HS3ST4: variants seen among roughly 807,000 people sequenced by gnomAD.
HS3ST4 encodes heparan sulfate-glucosamine 3-sulfotransferase 4.
In HS3ST4, 17 loss-of-function variants were observed where a neutral mutation model predicts 29.2. The ratio of observed to expected loss-of-function variants is 0.58; its 90% CI spans 0.40 to 0.87. HS3ST4 has a LOEUF of 0.87. HS3ST4 is among the 40% of genes least tolerant of loss of function. The pLI is 0.00. For synonymous variants in HS3ST4, 314 were observed against 285.7 expected, an observed-to-expected ratio of 1.10 and a Z score of -1.00; for missense variants, 627 against 634.5, an observed-to-expected ratio of 0.99 and a Z score of 0.13.
intron 1 of HS3ST4, among the ~76,000 whole-genome samples, chr16:26,128,567 A>G (rs948964136): frequency 2.0e-5 from 3 of 152,342 alleles, no homozygotes; most frequent in Admixed American, 2.0e-4. Flanking sequence ...TTAAGAATGT[A>G]GTCTCCAAAT....
intron 1 of HS3ST4, among the ~76,000 whole-genome samples, chr16:26,094,756 A>T (rs1293106076): frequency 6.6e-6 from 1 of 152,250 alleles, no homozygotes; most frequent in Non-Finnish European, 1.5e-5. Flanking sequence ...TCAAATTCAC[A>T]CATAACAATA....
chr16:25,696,061 T>C (rs990860705), intron 1 of HS3ST4, among the ~76,000 whole-genome samples: 1 of 152,184 alleles, frequency 6.6e-6, no homozygotes, highest in African/African-American at 2.4e-5. Context: ...TAATGTGATA[T>C]AAAAATACAT....
At chr16:25,993,656 G>T (rs1969132487) in intron 1 of HS3ST4, among the ~76,000 whole-genome samples, 1 of 151,642 alleles carries the variant, frequency 6.6e-6, no homozygotes, top group Non-Finnish European at 1.5e-5. Flanking sequence ...ATGATTATTA[G>T]GATCCAATGA....
At chr16:25,720,155 C>T (rs1283494617) in intron 1 of HS3ST4, among the ~76,000 whole-genome samples, 2 of 152,032 alleles carry the variant, frequency 1.3e-5, no homozygotes, top group African/African-American at 4.8e-5. Context: ...CACTGAAGGA[C>T]ATAAGTGAGG....
chr16:25,866,645 G>A (rs1018394278), intron 1 of HS3ST4, among the ~76,000 whole-genome samples: 5 of 151,954 alleles, frequency 3.3e-5, no homozygotes, highest in East Asian at 1.9e-4. Flanking sequence ...TCACACACAC[G>A]GTCTGTCATG....
In HS3ST4 at chr16:25,925,565, C is replaced by T. The variant is rs542835386; in HGVS notation, c.735-210047C>T. Among the ~76,000 whole-genome samples the T allele has an allele frequency of 4.6e-5, 7 of 152,238 alleles. No individual in the cohort carries two copies. The South Asian group carries it at 8.3e-4, about 18-fold the overall frequency. On this transcript the variant is annotated intron_variant, in intron 1 of 1. Transcript: ENST00000331351. Reference sequence around the variant, plus strand: ...GATTAAGCAGAGAAACCTCTTGTGTCGTCTCAGCAAAGAAGCTGCAAATCC... The same window carrying T: ...GATTAAGCAGAGAAACCTCTTGTGTTGTCTCAGCAAAGAAGCTGCAAATCC...
intron 1 of HS3ST4, among the ~76,000 whole-genome samples, chr16:25,827,869 G>T (rs1302050173): frequency 1.3e-5 from 2 of 152,170 alleles, no homozygotes; most frequent in Non-Finnish European, 2.9e-5. Context: ...AACAGATGAG[G>T]AAGCTTGTCA....
chr16:25,750,249 GTAGTCCAACTTC>G (rs1966710472), intron 1 of HS3ST4, among the ~76,000 whole-genome samples: 1 of 152,182 alleles, frequency 6.6e-6, no homozygotes. Flanking sequence ...AGACCTCAGA[GTAGTCCAACTTC>G]TTAGAGCAGC....
At chr16:25,755,750 A>G (rs192966225) in intron 1 of HS3ST4, among the ~76,000 whole-genome samples, 234 of 152,290 alleles carry the variant, frequency 1.5e-3, no homozygotes, top group Non-Finnish European at 2.2e-3. Flanking sequence ...TAAGGTTACA[A>G]TGGGCTGGCC....
At chr16:26,025,902 A>T (rs934500039) in intron 1 of HS3ST4, among the ~76,000 whole-genome samples, 5 of 152,154 alleles carry the variant, frequency 3.3e-5, no homozygotes, top group Non-Finnish European at 7.4e-5. Flanking sequence ...CAGCCTCCCA[A>T]GTAGCTGGGA....
chr16:26,017,596 A>G (rs1011909728), intron 1 of HS3ST4, among the ~76,000 whole-genome samples: 3 of 152,338 alleles, frequency 2.0e-5, no homozygotes, highest in Admixed American at 6.5e-5. Context: ...GTACCAAAGC[A>G]GCACTTTCTA....
intron 1 of HS3ST4, among the ~76,000 whole-genome samples, chr16:25,804,048 GA>G (rs1966966057): frequency 6.6e-6 from 1 of 151,924 alleles, no homozygotes; most frequent in African/African-American, 2.4e-5. Context: ...TCACAGACTT[GA>G]AAACTCTGAG....
At chr16:25,716,784 T>G (rs1292177292) in intron 1 of HS3ST4, among the ~76,000 whole-genome samples, 2 of 152,230 alleles carry the variant, frequency 1.3e-5, no homozygotes, top group African/African-American at 4.8e-5. Context: ...TCAGACGCGG[T>G]GGCTCACGCC....
intron 1 of HS3ST4, among the ~76,000 whole-genome samples, chr16:26,020,017 T>A (rs1307485432): frequency 6.6e-6 from 1 of 152,192 alleles, no homozygotes; most frequent in Non-Finnish European, 1.5e-5. Flanking sequence ...GTGCTCCAGA[T>A]AACAGCTGTG....
intron 1 of HS3ST4, among the ~76,000 whole-genome samples, chr16:25,738,156 G>C (rs375885918): frequency 4.6e-5 from 7 of 151,960 alleles, no homozygotes; most frequent in African/African-American, 1.4e-4. Context: ...TACCCTCCTC[G>C]GCCTGCCCAA....
chr16:25,816,464 T>A (rs1289967960), intron 1 of HS3ST4, among the ~76,000 whole-genome samples: 1 of 152,192 alleles, frequency 6.6e-6, no homozygotes, highest in Non-Finnish European at 1.5e-5. Flanking sequence ...CTGATCTGCT[T>A]CATATGATTC....
At chr16:25,756,168 A>G (rs892555027) in intron 1 of HS3ST4, among the ~76,000 whole-genome samples, 1 of 145,464 alleles carries the variant, frequency 6.9e-6, no homozygotes, top group Non-Finnish European at 1.5e-5. Flanking sequence ...ACACACACAC[A>G]CACACACACC....
chr16:25,840,990 A>G (rs1044361247), intron 1 of HS3ST4, among the ~76,000 whole-genome samples: 15 of 142,616 alleles, frequency 1.1e-4, no homozygotes, highest in South Asian at 2.2e-4. Flanking sequence ...TTATTTATTT[A>G]TTTATTTATT....
At chr16:25,857,962 T>G (rs1567257203) in intron 1 of HS3ST4, among the ~76,000 whole-genome samples, 1,988 of 60,962 alleles carry the variant, frequency 0.033, 89 homozygotes, top group African/African-American at 0.14. Context: ...CTTTCTTTCT[T>G]TCTTTCTTTC....
Sources: gnomAD v4.1 joint callset for allele counts (sites outside exome capture counted in the v4.1 genomes callset) on GRCh38, gnomAD v4.1.1 for gene constraint, MANE v1.5 for transcripts, NCBI Gene and HGNC (gene_info 2026-07-23, HGNC 2026-07-21) for gene names.